The following NELL1 variants were observed in gnomAD, a reference collection of about 807,000 sequenced individuals.
NELL1 encodes neural EGFL like 1, also known as protein kinase C-binding protein NELL1.
NELL1 carries 76 observed loss-of-function variants against 107.4 expected under a neutral mutation model. The observed-to-expected ratio is 0.71, with a 90% CI of 0.59 to 0.86. The LOEUF is 0.86. Among genes scored for constraint, NELL1 ranks in the 40% least tolerant of loss-of-function variants. The pLI is 0.00. For synonymous variants in NELL1, 353 were observed against 341.2 expected, an observed-to-expected ratio of 1.03 and a Z score of -0.38; for missense variants, 1,024 against 1,005.5, an observed-to-expected ratio of 1.02 and a Z score of -0.25.
intron 12 of NELL1, among the ~76,000 whole-genome samples, chr11:21,081,995 T>C (rs185247503): frequency 9.5e-4 from 144 of 152,284 alleles, no homozygotes; most frequent in Non-Finnish European, 1.7e-3. Flanking sequence ...TCTGAAACAC[T>C]ACGCCATACT....
rs187536636 is a variant in NELL1, at chr11:20,796,169, A to G, written c.335+12339A>G. On this transcript the variant is annotated intron_variant, in intron 3 of 19. Coordinates refer to ENST00000357134, the MANE Select transcript of NELL1 (RefSeq NM_006157.5). ...AGGTAGATGTTGGGACCGTCCCACCATTTGAAATAGTAATTAGCTTTTCAC... is the reference window on the plus strand; with the variant it reads ...AGGTAGATGTTGGGACCGTCCCACCGTTTGAAATAGTAATTAGCTTTTCAC... 2.4e-3 allele frequency among the ~76,000 whole-genome samples: 371 copies of G among 152,326 alleles called. 1 individual carries two copies. Among genetic ancestry groups the G allele is most frequent in the African/African-American group, 8.5e-3 (355 of 41,574 alleles).
intron 16 of NELL1, among the ~76,000 whole-genome samples, chr11:21,544,165 G>A (rs1261741583): frequency 6.6e-6 from 1 of 151,958 alleles, no homozygotes; most frequent in African/African-American, 2.4e-5. Flanking sequence ...GTTCACATGG[G>A]CAGTAATGAT....
intron 12 of NELL1, among the ~76,000 whole-genome samples, chr11:21,021,012 AACACACACACAC>A (rs56813080): frequency 2.9e-5 from 4 of 140,306 alleles, no homozygotes; most frequent in African/African-American, 8.1e-5. Context: ...AGAAACTTAG[AACACACACACAC>A]ACACACACAC....
intron 15 of NELL1, among the ~76,000 whole-genome samples, chr11:21,429,485 T>A (rs1852914828): frequency 6.6e-6 from 1 of 152,208 alleles, no homozygotes; most frequent in African/African-American, 2.4e-5. Context: ...GAAGCTATGT[T>A]GGGCAAAGGG....
intron 13 of NELL1, among the ~76,000 whole-genome samples, chr11:21,211,888 T>A (rs1447665054): frequency 6.6e-6 from 1 of 152,052 alleles, no homozygotes; most frequent in African/African-American, 2.4e-5. Flanking sequence ...TGTAGTGGTG[T>A]GATCCCAGCT....
intron 15 of NELL1, among the ~76,000 whole-genome samples, chr11:21,375,178 A>G (rs552895169): frequency 4.2e-4 from 64 of 152,090 alleles, no homozygotes; most frequent in African/African-American, 1.4e-3. Context: ...ACAGTACTCA[A>G]TAGTTAGTTT....
At chr11:21,375,200 C>G (rs1458109784) in intron 15 of NELL1, among the ~76,000 whole-genome samples, 1 of 151,884 alleles carries the variant, frequency 6.6e-6, no homozygotes, top group Non-Finnish European at 1.5e-5. Context: ...TCAGCCTTTG[C>G]CCCCTCCTTT....
At chr11:20,788,418 T>C (rs117719763) in intron 3 of NELL1, among the ~76,000 whole-genome samples, 2,681 of 152,360 alleles carry the variant, frequency 0.018, 29 homozygotes, top group South Asian at 0.032. Context: ...AGTGATACCT[T>C]ACTGTGGTTT....
chr11:21,427,689 G>A (rs906237090), intron 15 of NELL1, among the ~76,000 whole-genome samples: 7 of 152,132 alleles, frequency 4.6e-5, no homozygotes, highest in Non-Finnish European at 8.8e-5. Flanking sequence ...GGGCAACATA[G>A]TGAGACCCCA....
intron 12 of NELL1, among the ~76,000 whole-genome samples, chr11:21,103,059 A>C (rs1262882722): frequency 6.6e-6 from 1 of 152,192 alleles, no homozygotes; most frequent in Non-Finnish European, 1.5e-5. Flanking sequence ...TCTTGAGTAC[A>C]TTTAGCTGAT....
intron 16 of NELL1, among the ~76,000 whole-genome samples, chr11:21,556,380 A>G (rs1004334084): frequency 6.6e-6 from 1 of 152,028 alleles, no homozygotes; most frequent in Non-Finnish European, 1.5e-5. Context: ...ACCTGTTACC[A>G]AACTGTTGGT....
chr11:20,789,311 C>A (rs1857029965), intron 3 of NELL1, among the ~76,000 whole-genome samples: 1 of 152,188 alleles, frequency 6.6e-6, no homozygotes, highest in African/African-American at 2.4e-5. Flanking sequence ...TTCAGATACA[C>A]CGGCTGCTGC....
intron 14 of NELL1, among the ~76,000 whole-genome samples, chr11:21,337,748 CT>C (rs1197346691): frequency 1.6e-5 from 2 of 122,348 alleles, no homozygotes; most frequent in Admixed American, 7.9e-5. Context: ...TTCTTTCTTT[CT>C]TTCTTTCTTT....
At chr11:20,892,685 C>T (rs1459925918) in intron 5 of NELL1, among the ~76,000 whole-genome samples, 1 of 152,220 alleles carries the variant, frequency 6.6e-6, no homozygotes, top group East Asian at 1.9e-4. Context: ...AATCCCAGCA[C>T]TTTGGGAGGC....
intron 12 of NELL1, among the ~76,000 whole-genome samples, chr11:21,084,162 TCCACGATTG>T (rs1854334465): frequency 6.6e-6 from 1 of 152,154 alleles, no homozygotes; most frequent in Admixed American, 6.5e-5. Context: ...CCCTTGTTTG[TCCACGATTG>T]CCGTTGCAGA....
intron 15 of NELL1, among the ~76,000 whole-genome samples, chr11:21,375,241 C>A (rs11026054): frequency 6.6e-6 from 1 of 151,892 alleles, no homozygotes; most frequent in Non-Finnish European, 1.5e-5. Flanking sequence ...TTTCTATCAT[C>A]GCCATCTTTA....
chr11:21,452,501 T>A lies in NELL1; in HGVS notation c.1645+81553T>A, dbSNP rs114192773. 6.5e-3 allele frequency among the ~76,000 whole-genome samples: 994 copies of A among 152,252 alleles called. 14 individuals are homozygous for A. Among genetic ancestry groups the A allele is most frequent in the African/African-American group, 0.023 (949 of 41,584 alleles). On this transcript the variant is annotated intron_variant, in intron 15 of 19. Coordinates refer to ENST00000357134, the MANE Select transcript of NELL1 (RefSeq NM_006157.5). Reference sequence around the variant, plus strand: ...ACAGTTTTTTATTATATTCCCTGATTATTCATTTTATGTGTCTGAAATATG... The same window carrying A: ...ACAGTTTTTTATTATATTCCCTGATAATTCATTTTATGTGTCTGAAATATG...
At chr11:20,989,897 T>C (rs371275070) in intron 12 of NELL1, among the ~76,000 whole-genome samples, 1 of 150,676 alleles carries the variant, frequency 6.6e-6, no homozygotes, top group Non-Finnish European at 1.5e-5. Context: ...CTCAGGAGGC[T>C]GAGGCAGAAG....
At chr11:20,784,235 G>C (rs576673396) in intron 3 of NELL1, among the ~76,000 whole-genome samples, 8 of 152,334 alleles carry the variant, frequency 5.3e-5, no homozygotes, top group African/African-American at 1.9e-4. Flanking sequence ...ACATAAGCTA[G>C]TAGGGAAGAT....
Sources: gnomAD v4.1 joint callset for allele counts (sites outside exome capture counted in the v4.1 genomes callset) on GRCh38, gnomAD v4.1.1 for gene constraint, MANE v1.5 for transcripts, NCBI Gene and HGNC (gene_info 2026-07-23, HGNC 2026-07-21) for gene names.